CDK15: variants seen among roughly 807,000 people sequenced by gnomAD.
CDK15 encodes cyclin-dependent kinase 15.
A neutral mutation model predicts 60.3 loss-of-function variants in CDK15; 62 were observed. The ratio of observed to expected loss-of-function variants is 1.03; its 90% CI spans 0.84 to 1.27. The LOEUF (loss-of-function observed/expected upper bound fraction) is 1.27. Among genes scored for constraint, CDK15 ranks in the 50% most tolerant of loss-of-function variants. The pLI, the probability that CDK15 is intolerant of heterozygous loss-of-function variation, is 0.00. For synonymous variants in CDK15, 194 were observed against 195.7 expected, an observed-to-expected ratio of 0.99 and a Z score of 0.07; for missense variants, 541 against 527.8, an observed-to-expected ratio of 1.03 and a Z score of -0.25.
upstream of CDK15, chr2:201,806,461 C>A: frequency 2.3e-6 from 1 of 432,456 alleles, no homozygotes; most frequent in Non-Finnish European, 4.0e-6. Flanking sequence ...CATCTGAATG[C>A]AAGCAATCCC....
At chr2:201,825,319 A>C (rs950674919) in intron 6 of CDK15, among the ~76,000 whole-genome samples, 1 of 151,910 alleles carries the variant, frequency 6.6e-6, no homozygotes, top group African/African-American at 2.4e-5. Flanking sequence ...ACTCAAAAAA[A>C]AAAAAAAAAA....
chr2:201,869,679 T>C (rs10931977), intron 10 of CDK15, among the ~76,000 whole-genome samples: 152,239 of 152,262 alleles, frequency 1, 76,108 homozygotes, highest in Non-Finnish European at 1. Context: ...CCCCAACCCA[T>C]GTGCCACAAG....
In CDK15 at chr2:201,807,620, G is replaced by A. The variant is rs757836967; in HGVS notation, c.250G>A (p.Asp84Asn). The change falls in exon 2 of 14, where the codon GAT (aspartate) becomes AAT (asparagine). Residue 84 changes from aspartate (D) to asparagine (N), a missense_variant. Transcript: ENST00000652192. ...TAACAGTGATTGTTTTCAGGAAGAGGATCTGAGGCAGGGTTTTCAGTGGGT... is the reference window on the plus strand; with the variant it reads ...TAACAGTGATTGTTTTCAGGAAGAGAATCTGAGGCAGGGTTTTCAGTGGGT... ...RSNSDCFQEE[D>N]LRQGFQWRKS... 2 of 1,614,036 alleles carry A rather than the reference G, an allele frequency of 1.2e-6. No homozygotes were observed. The highest frequency in any genetic ancestry group is 2.7e-5 in the African/African-American group (2 of 74,914).
Position 201,807,658 on chromosome 2 carries a change from G to T in CDK15, c.273+15G>T, listed in dbSNP as rs747832628. ...GTTTTCAGTGGGTGAGTGAGCAGCT[G>T]ATGTTGATCAAGAAGAATTTAATGT... On this transcript the variant is annotated intron_variant, in intron 2 of 13. Coordinates refer to ENST00000652192, the MANE Select transcript of CDK15 (RefSeq NM_001366386.2). 1 of 1,613,852 alleles carries T rather than the reference G, an allele frequency of 6.2e-7. No individual in the cohort carries two copies. Among genetic ancestry groups the T allele is most frequent in the South Asian group, 1.1e-5 (1 of 91,046 alleles).
chr2:201,861,085 A>G (rs1574913965), intron 10 of CDK15: 1 of 1,071,654 alleles, frequency 9.3e-7, no homozygotes, highest in East Asian at 7.6e-5. Flanking sequence ...ATATTGATAA[A>G]AGAGGCTTTA....
At chr2:201,846,795 C>T (rs1697689942) in intron 8 of CDK15, among the ~76,000 whole-genome samples, 1 of 152,082 alleles carries the variant, frequency 6.6e-6, no homozygotes, top group South Asian at 2.1e-4. Context: ...TAAGTGTAGA[C>T]ATCAAAGAGT....
chr2:201,868,869 T>G (rs1478722594), intron 10 of CDK15, among the ~76,000 whole-genome samples: 2 of 152,164 alleles, frequency 1.3e-5, no homozygotes, highest in African/African-American at 4.8e-5. Context: ...CATTAAAAAG[T>G]CAGGAAACAA....
At chr2:201,810,111 T>C (rs1264494078) in intron 3 of CDK15, among the ~76,000 whole-genome samples, 1 of 151,156 alleles carries the variant, frequency 6.6e-6, no homozygotes, top group East Asian at 1.9e-4. Flanking sequence ...TTTTGCAGGG[T>C]TTGGGGGAGA....
chr2:201,873,438 G>A (rs1434435442), intron 11 of CDK15, among the ~76,000 whole-genome samples: 4 of 152,166 alleles, frequency 2.6e-5, no homozygotes, highest in Non-Finnish European at 5.9e-5. Context: ...GTGGATTTTA[G>A]CATGGCCCGT....
rs765031517 is a variant in CDK15 at position 201,847,411 on chromosome 2, C to T, written c.882C>T (p.Phe294=). The change falls in exon 9 of 14, where the codon TTC becomes TTT. Residue 294 remains phenylalanine (F), a synonymous_variant. Transcript: ENST00000652192. ...WGAGCIFIEM[F]QGQPLFPGVS... ...CAGGCTGCATCTTTATTGAAATGTT[C>T]CAGGGTCAACCTTTGTTTCCTGGGG... is the stretch of plus-strand genomic sequence containing the variant. 6 of 1,613,992 alleles carry T rather than the reference C, an allele frequency of 3.7e-6. No homozygotes were observed. The highest frequency in any genetic ancestry group is 5.1e-6 in the Non-Finnish European group (6 of 1,179,962).
At chr2:201,860,782 C>A (rs780785780) in intron 10 of CDK15, 2 of 1,352,176 alleles carry the variant, frequency 1.5e-6, no homozygotes, top group Non-Finnish European at 2.0e-6. Flanking sequence ...TGACATCGGA[C>A]AGCATCGTAC....
At position 201,812,575 on chromosome 2, in the gene CDK15, GA is replaced by G. The variant is rs1695824425; in HGVS notation, c.448+16del. On this transcript the variant is annotated intron_variant, in intron 4 of 13. Transcript: ENST00000652192. ...GCTATCCGAGAAGGTAAGAACAGCA[GA>G]AATGGACCCAATAGATCTGTTTTGA... 6.3e-7 allele frequency: 1 copy of G among 1,585,910 alleles called. No homozygotes were observed. The highest frequency in any genetic ancestry group is 8.7e-7 in the Non-Finnish European group (1 of 1,155,088).
intron 12 of CDK15, 46 bp downstream of exon 12, chr2:201,880,213 T>A: frequency 6.2e-7 from 1 of 1,603,222 alleles, no homozygotes; most frequent in South Asian, 1.1e-5. Flanking sequence ...TGTGCGTGAG[T>A]GCGTGTGTGT....
rs570757346 is a variant in CDK15 at position 201,828,515 on chromosome 2, C to T, written c.606+4788C>T. Among the ~76,000 whole-genome samples the T allele has an allele frequency of 7.4e-5, 11 of 148,856 alleles. No homozygotes were observed. The South Asian group carries it at 1.8e-3, about 24-fold the overall frequency. ...AAGGAGGGTATGGTGGACAGTATTA[C>T]AAGCATCAGGAATACAGCTAAAAGT... On this transcript the variant is annotated intron_variant, in intron 6 of 13. Coordinates refer to ENST00000652192, the MANE Select transcript of CDK15 (RefSeq NM_001366386.2).
chr2:201,849,399 A>G (rs2105778579), intron 9 of CDK15, among the ~76,000 whole-genome samples: 1 of 152,310 alleles, frequency 6.6e-6, no homozygotes, highest in East Asian at 1.9e-4. Context: ...AGGAAGCACA[A>G]TTGCAGTTCT....
At chr2:201,821,003 AG>A (rs1448502602) in intron 4 of CDK15, among the ~76,000 whole-genome samples, 1 of 152,148 alleles carries the variant, frequency 6.6e-6, no homozygotes, top group Non-Finnish European at 1.5e-5. Flanking sequence ...TGATAACTAC[AG>A]GCTGGTAGGG....
At chr2:201,816,454 G>A (rs1352601296) in intron 4 of CDK15, among the ~76,000 whole-genome samples, 7 of 84,250 alleles carry the variant, frequency 8.3e-5, no homozygotes, top group Non-Finnish European at 8.6e-5. Flanking sequence ...CTAAGGAAAT[G>A]GTTTTTTTTT....
In CDK15 at chr2:201,894,836, C is replaced by T. The variant is rs145974343; in HGVS notation, c.*1569C>T. 2 of 152,220 alleles carry T rather than the reference C, an allele frequency of 1.3e-5. No individual in the cohort carries two copies. The highest frequency in any genetic ancestry group is 4.8e-5 in the African/African-American group (2 of 41,534). 9.4% of individuals were successfully genotyped at this position (152,220 alleles called of 1,614,324 possible). Reference sequence around the variant, plus strand: ...TGCTATTTAGTATTGGATCATGATTCAAAAGACACCTTGCTAGAAGCCAAT... The same window carrying T: ...TGCTATTTAGTATTGGATCATGATTTAAAAGACACCTTGCTAGAAGCCAAT... On this transcript the variant is annotated 3_prime_UTR_variant, in exon 14 of 14. Transcript: ENST00000652192.
In CDK15 at chr2:201,833,839, TC is replaced by T; in HGVS notation, c.607-7del. Reference sequence around the variant, plus strand: ...AAATCTCCTTATGGATAGTGTTTCTTCCTTCCAGCTTTTCATGTTTCAACTT... The same window carrying T: ...AAATCTCCTTATGGATAGTGTTTCTTCTTCCAGCTTTTCATGTTTCAACTT... On this transcript the variant is annotated splice_polypyrimidine_tract_variant and splice_region_variant and intron_variant, in intron 6 of 13. Transcript: ENST00000652192. The T allele has an allele frequency of 6.2e-7, 1 of 1,613,330 alleles. No individual in the cohort carries two copies.
Sources: gnomAD v4.1 joint callset for allele counts (sites outside exome capture counted in the v4.1 genomes callset) on GRCh38, gnomAD v4.1.1 for gene constraint, MANE v1.5 for transcripts, NCBI Gene and HGNC (gene_info 2026-07-23, HGNC 2026-07-21) for gene names.